The following IQSEC1 variants were observed in gnomAD, a reference collection of about 807,000 sequenced individuals.
The protein encoded by IQSEC1 is IQ motif and Sec7 domain ArfGEF 1, also known as IQ motif and SEC7 domain-containing protein 1.
A neutral mutation model predicts 91.0 loss-of-function variants in IQSEC1; 31 were observed. The ratio of observed to expected loss-of-function variants is 0.34; its 90% CI spans 0.26 to 0.46. IQSEC1 has a LOEUF of 0.46. Ranked by LOEUF, IQSEC1 falls within the 20% of genes least tolerant of loss-of-function variation. IQSEC1 has a pLI of 1.00. For synonymous variants in IQSEC1, 699 were observed against 662.6 expected (o/e 1.05, Z -0.84); for missense variants, 1,388 against 1,575.6 (o/e 0.88, Z 2.02).
intron 1 of IQSEC1, among the ~76,000 whole-genome samples, chr3:13,051,641 G>A (rs535154382): frequency 6.6e-6 from 1 of 152,276 alleles, no homozygotes; most frequent in African/African-American, 2.4e-5. Flanking sequence ...AAACCAAACC[G>A]TCTGCCTCAC....
chr3:13,271,794 CA>C (rs558882258), intron 1 of IQSEC1, among the ~76,000 whole-genome samples: 1 of 151,946 alleles, frequency 6.6e-6, no homozygotes, highest in Non-Finnish European at 1.5e-5. Context: ...GACCCTTTCT[CA>C]AAAAAACTAT....
chr3:12,966,786 T>G (rs1389965057), intron 1 of IQSEC1, among the ~76,000 whole-genome samples: 5 of 152,210 alleles, frequency 3.3e-5, no homozygotes, highest in African/African-American at 1.2e-4. Flanking sequence ...CAGAAGCTGC[T>G]GACACACCTG....
intron 1 of IQSEC1, among the ~76,000 whole-genome samples, chr3:13,204,152 G>A (rs1046231794): frequency 1.2e-4 from 18 of 152,248 alleles, no homozygotes; most frequent in Non-Finnish European, 2.5e-4. Flanking sequence ...AAGACGCCAA[G>A]CCCAGGGAGA....
At chr3:13,036,546 C>T (rs893644902) in intron 1 of IQSEC1, among the ~76,000 whole-genome samples, 5 of 152,218 alleles carry the variant, frequency 3.3e-5, no homozygotes, top group East Asian at 1.9e-4. Context: ...CCTCAAGCCA[C>T]AAAGCCACCC....
At chr3:13,120,853 C>T (rs2124891064) in intron 2 of IQSEC1, among the ~76,000 whole-genome samples, 1 of 152,344 alleles carries the variant, frequency 6.6e-6, no homozygotes, top group East Asian at 1.9e-4. Flanking sequence ...CCTGGCAGAA[C>T]TTAGTCATGA....
Position 12,967,887 on chromosome 3 carries a change from G to C in IQSEC1, c.24-26022C>G, listed in dbSNP as rs933015025. The stretch of plus-strand genomic sequence containing the variant: ...CACACGGCGCCGCGGAAGAAGCACA[G>C]GGGGCGGGGGGTCAGGGGCGGGGCG... On this transcript the variant is annotated intron_variant, in intron 1 of 13. Transcript: ENST00000613206. The surrounding 1 kb of genome is among the most constrained non-coding windows in gnomAD (Gnocchi z 5.9). Among the ~76,000 whole-genome samples the C allele has an allele frequency of 7.3e-5, 11 of 149,852 alleles. No individual in the cohort carries two copies. The highest frequency in any genetic ancestry group is 2.7e-4 in the African/African-American group (11 of 40,580).
Position 12,980,878 on chromosome 3 carries a change from C to T in IQSEC1, c.24-39013G>A, listed in dbSNP as rs1050010936. Among the ~76,000 whole-genome samples, 11 of 152,268 alleles carry T rather than the reference C, an allele frequency of 7.2e-5. No homozygotes were observed. The East Asian group carries it at 1.7e-3, about 24-fold the overall frequency. The stretch of plus-strand genomic sequence containing the variant: ...TTCCTGGGAGGAGCACTGTGAGCAG[C>T]GTGACAACCATGGCTGTCTTAGCCG... On this transcript the variant is annotated intron_variant, in intron 1 of 13. Coordinates refer to ENST00000613206, the MANE Select transcript of IQSEC1 (RefSeq NM_001134382.3).
At chr3:13,068,309 C>G (rs1705304335) in intron 1 of IQSEC1, among the ~76,000 whole-genome samples, 1 of 152,250 alleles carries the variant, frequency 6.6e-6, no homozygotes, top group African/African-American at 2.4e-5. Flanking sequence ...TGTCCAGCAA[C>G]TACCAGAAAA....
At chr3:13,163,114 G>T (rs1707207853) in intron 2 of IQSEC1, among the ~76,000 whole-genome samples, 2 of 152,044 alleles carry the variant, frequency 1.3e-5, no homozygotes, top group Admixed American at 1.3e-4. Context: ...AGTGTCCCCT[G>T]CTCCAAGCAC....
At chr3:13,239,720 C>T (rs1694988009) in intron 1 of IQSEC1, among the ~76,000 whole-genome samples, 1 of 152,268 alleles carries the variant, frequency 6.6e-6, no homozygotes, top group African/African-American at 2.4e-5. Flanking sequence ...AGCCACTGGA[C>T]ACGTGGTACC....
intron 4 of IQSEC1, among the ~76,000 whole-genome samples, chr3:12,923,813 C>T (rs1347224704): frequency 6.6e-6 from 1 of 152,234 alleles, no homozygotes; most frequent in Non-Finnish European, 1.5e-5. Flanking sequence ...TGCACATGGG[C>T]AGGGCTGGGC....
intron 2 of IQSEC1, among the ~76,000 whole-genome samples, chr3:13,152,646 G>A (rs982574732): frequency 9.2e-5 from 14 of 152,166 alleles, no homozygotes; most frequent in Admixed American, 2.0e-4. Context: ...TGAGACGGGC[G>A]GATCACCTGA....
intron 1 of IQSEC1, among the ~76,000 whole-genome samples, chr3:13,236,342 C>A (rs1694927799): frequency 6.6e-6 from 1 of 152,208 alleles, no homozygotes; most frequent in Non-Finnish European, 1.5e-5. Flanking sequence ...CCAGGCTGTG[C>A]TGGACTGGAA....
chr3:13,012,573 C>T (rs559748093), intron 1 of IQSEC1, among the ~76,000 whole-genome samples: 1 of 152,356 alleles, frequency 6.6e-6, no homozygotes, highest in South Asian at 2.1e-4. Context: ...TGGCCTGTCA[C>T]AGGGCTGGTG....
At chr3:13,250,322 G>A (rs1695171768) in intron 1 of IQSEC1, among the ~76,000 whole-genome samples, 1 of 152,142 alleles carries the variant, frequency 6.6e-6, no homozygotes, top group Non-Finnish European at 1.5e-5. Context: ...ACAGAGGCTA[G>A]GACAAACGCG....
intron 12 of IQSEC1, among the ~76,000 whole-genome samples, chr3:12,904,680 T>A (rs1359716923): frequency 2.0e-5 from 3 of 152,106 alleles, no homozygotes; most frequent in African/African-American, 7.2e-5. Context: ...AGCGCCAATG[T>A]CTCTAGGTTT....
chr3:13,245,904 T>A (rs1168860514), intron 1 of IQSEC1, among the ~76,000 whole-genome samples: 1 of 152,176 alleles, frequency 6.6e-6, no homozygotes, highest in Non-Finnish European at 1.5e-5. Flanking sequence ...ACACCCTTTG[T>A]GGCACACTGC....
rs1000910841 is a variant in IQSEC1 at position 12,994,665 on chromosome 3, C to A, written c.24-52800G>T. 1.3e-5 allele frequency among the ~76,000 whole-genome samples: 2 copies of A among 152,242 alleles called. No individual in the cohort carries two copies. Among genetic ancestry groups the A allele is most frequent in the African/African-American group, 2.4e-5 (1 of 41,460 alleles). The stretch of plus-strand genomic sequence containing the variant: ...CAGTTCGCAGATGGGAACACTGAGG[C>A]CCACAGCAGGGAAGCCACTGGCCCA... On this transcript the variant is annotated intron_variant, in intron 1 of 13. Transcript: ENST00000613206. This position sits in a 1 kb window ranked among gnomAD's most constrained non-coding sequence, Gnocchi z 4.5.
At chr3:13,128,695 C>G (rs1432495121) in intron 2 of IQSEC1, among the ~76,000 whole-genome samples, 1 of 151,978 alleles carries the variant, frequency 6.6e-6, no homozygotes, top group Non-Finnish European at 1.5e-5. Flanking sequence ...GAAACCTCAT[C>G]TCTACTAAAA....
Sources: gnomAD v4.1 joint callset for allele counts (sites outside exome capture counted in the v4.1 genomes callset) on GRCh38, gnomAD v4.1.1 for gene constraint, Gnocchi (gnomAD v3.1) non-coding constraint, MANE v1.5 for transcripts, NCBI Gene and HGNC (gene_info 2026-07-23, HGNC 2026-07-21) for gene names.